The following NCBP1 variants were observed in gnomAD, a reference collection of about 807,000 sequenced individuals.
NCBP1 encodes nuclear cap binding protein subunit 1, also known as nuclear cap-binding protein subunit 1.
A neutral mutation model predicts 111.7 loss-of-function variants in NCBP1; 16 were observed. That is an observed-to-expected ratio of 0.14 (90% CI 0.10 to 0.22). NCBP1 has a LOEUF of 0.22. Ranked by LOEUF, NCBP1 falls within the 10% of genes least tolerant of loss-of-function variation. The pLI is 1.00. For missense variants in NCBP1, 607 were observed against 957.5 expected (o/e 0.63, Z 4.83); for synonymous variants, 304 against 314.3 (o/e 0.97, Z 0.35).
chr9:97,648,256 CCT>C, intron 8 of NCBP1, 33 bp downstream of exon 8: 1 of 1,589,888 alleles, frequency 6.3e-7, no homozygotes, highest in Non-Finnish European at 8.6e-7. Flanking sequence ...TAGATATTGA[CCT>C]GTGTTGCATT....
chr9:97,642,601 G>A (rs1372748842), intron 3 of NCBP1, among the ~76,000 whole-genome samples: 1 of 152,058 alleles, frequency 6.6e-6, no homozygotes, highest in Non-Finnish European at 1.5e-5. Context: ...CACACTTGGA[G>A]TAAGCAACTG....
rs114197388 is a variant in NCBP1 at position 97,667,993 on chromosome 9, G to A, written c.2017-853G>A. ...CTCATAAATGGGCTGTGTTTATAGA[G>A]AGAAAAGCAAGATTCTGTGATATCC... On this transcript the variant is annotated intron_variant, in intron 20 of 22. Transcript: ENST00000375147. Among the ~76,000 whole-genome samples the A allele has an allele frequency of 2.4e-3, 370 of 152,316 alleles. 6 individuals carry two copies. The highest frequency in any genetic ancestry group is 6.0e-4 in the Non-Finnish European group (41 of 68,032).
intron 22 of NCBP1, 43 bp from the exon 23 acceptor site, chr9:97,671,043 A>G (rs749376088): frequency 2.3e-6 from 3 of 1,320,066 alleles, no homozygotes; most frequent in South Asian, 2.4e-5. Context: ...GATTGCTTAT[A>G]TGCTTTTTCC....
At chr9:97,645,580 T>C (rs1279256472) in intron 5 of NCBP1, 31 bp from the exon 6 acceptor site, 15 of 1,595,398 alleles carry the variant, frequency 9.4e-6, no homozygotes, top group Non-Finnish European at 1.3e-5. Context: ...TTAAAGCATA[T>C]TTTAAACTTA....
At chr9:97,659,365 G>A (rs890370097) in intron 15 of NCBP1, among the ~76,000 whole-genome samples, 1 of 152,114 alleles carries the variant, frequency 6.6e-6, no homozygotes, top group Non-Finnish European at 1.5e-5. Flanking sequence ...ATTTTGTGTT[G>A]TGTAGAGGTT....
In NCBP1 at chr9:97,658,675, C is replaced by T. The variant is rs750531525; in HGVS notation, c.1409C>T (p.Pro470Leu). Residue 470 changes from proline (P) to leucine (L), a missense_variant, in exon 15 of 23, where the codon CCT (proline) becomes CTT (leucine). Physicochemically the swap from Pro to Leu is moderately conservative, Grantham distance 98. Around this residue, in one of 9 missense-constraint regions of NCBP1, gnomAD observed 282 missense variants for 376.5 expected, o/e 0.75. Coordinates refer to ENST00000375147, the MANE Select transcript of NCBP1 (RefSeq NM_002486.5). ...SYHQRILDIV[P>L]PTFSALCPAN... is the part of the protein sequence containing the mutation. ...CATCAGCGTATATTAGATATTGTTC[C>T]TCCTACCTTCTCAGCTCTGTGTCCT... is the stretch of plus-strand genomic sequence containing the variant. 1 of 1,613,244 alleles carries T rather than the reference C, an allele frequency of 6.2e-7. No individual in the cohort carries two copies. Among genetic ancestry groups the T allele is most frequent in the Non-Finnish European group, 8.5e-7 (1 of 1,179,332 alleles).
intron 4 of NCBP1, among the ~76,000 whole-genome samples, 172 bp downstream of exon 4, chr9:97,643,532 C>T (rs536533101): frequency 6.6e-6 from 1 of 152,250 alleles, no homozygotes; most frequent in Non-Finnish European, 1.5e-5. Context: ...GTATCTCCAA[C>T]CTTTCTCCTG....
At chr9:97,665,224 G>C (rs1827959629) in intron 19 of NCBP1, among the ~76,000 whole-genome samples, 1 of 152,228 alleles carries the variant, frequency 6.6e-6, no homozygotes, top group African/African-American at 2.4e-5. Flanking sequence ...ATACCGGCCA[G>C]GTTGGCCTTC....
At chr9:97,667,648 C>G (rs1288344676) in intron 20 of NCBP1, among the ~76,000 whole-genome samples, 1 of 152,198 alleles carries the variant, frequency 6.6e-6, no homozygotes, top group East Asian at 1.9e-4. Flanking sequence ...GGTTCTGACA[C>G]AGGTCTGTCA....
intron 3 of NCBP1, among the ~76,000 whole-genome samples, chr9:97,642,615 C>T (rs550184988): frequency 3.9e-5 from 6 of 152,074 alleles, no homozygotes; most frequent in East Asian, 1.9e-4. Context: ...GCAACTGAGA[C>T]GTAAACAAAT....
intron 2 of NCBP1, 86 bp from the exon 3 acceptor site, chr9:97,641,476 G>A (rs778246614): frequency 8.5e-5 from 84 of 988,484 alleles, no homozygotes; most frequent in Non-Finnish European, 1.1e-4. Context: ...TTTAAAATAT[G>A]TATATATTTA....
Position 97,658,682 on chromosome 9 carries a change from C to T in NCBP1, c.1416C>T (p.Thr472=), listed in dbSNP as rs1392832136. 3 of 1,613,356 alleles carry T rather than the reference C, an allele frequency of 1.9e-6. No homozygotes were observed. The highest frequency in any genetic ancestry group is 2.2e-5 in the East Asian group (1 of 44,882). ...HQRILDIVPP[T]FSALCPANPT... is the part of the protein sequence containing the mutation. ...GTATATTAGATATTGTTCCTCCTAC[C>T]TTCTCAGCTCTGTGTCCTGCAAACC... is the stretch of plus-strand genomic sequence containing the variant. The change falls in exon 15 of 23, where the codon ACC becomes ACT. Residue 472 remains threonine, a synonymous_variant. Coordinates refer to ENST00000375147, the MANE Select transcript of NCBP1 (RefSeq NM_002486.5).
chr9:97,645,994 C>G (rs1285494424), intron 6 of NCBP1, among the ~76,000 whole-genome samples: 2 of 152,130 alleles, frequency 1.3e-5, no homozygotes, highest in African/African-American at 4.8e-5. Flanking sequence ...ACATAAAACA[C>G]CCTAGTGCAA....
At chr9:97,633,988 CG>C in intron 1 of NCBP1, 73 bp downstream of exon 1, 5 of 1,456,728 alleles carry the variant, frequency 3.4e-6, no homozygotes, top group South Asian at 1.3e-5. Flanking sequence ...TGGGTGTCCA[CG>C]GAAGAGACTG....
Position 97,671,319 on chromosome 9 carries a change from G to A in NCBP1, c.*120G>A, listed in dbSNP as rs1196116752. 5.6e-6 allele frequency: 4 copies of A among 712,146 alleles called. No individual in the cohort carries two copies. Among genetic ancestry groups the A allele is most frequent in the Admixed American group, 6.0e-5 (2 of 33,090 alleles). 44.1% of individuals were successfully genotyped at this position (712,146 alleles called of 1,614,324 possible). A position where few individuals can be genotyped will look rare whatever the true frequency, so the allele number is the denominator to read the frequency against. ...CCTTTCACTTCTTAAAGGAAACAAAGGGGAAGAGGACAGTGAATGAACATG... is the reference window on the plus strand; with the variant it reads ...CCTTTCACTTCTTAAAGGAAACAAAAGGGAAGAGGACAGTGAATGAACATG... On this transcript the variant is annotated 3_prime_UTR_variant, in exon 23 of 23. Transcript: ENST00000375147.
Position 97,666,764 on chromosome 9 carries a change from T to G in NCBP1, c.1903T>G (p.Leu635Val), listed in dbSNP as rs563025088. The stretch of plus-strand genomic sequence containing the variant: ...AACCAAATGCCATATTTCTTTAAGA[T>G]TGTTTGTTTGGGAAATTTTGCACTC... ...SSELSRDFTR[L>V]FVWEILHSTI... The change falls in exon 20 of 23, where the codon TTG becomes GTG. Residue 635 changes from leucine (L) to valine (V), a missense_variant and splice_region_variant. Physicochemically the swap from Leu to Val is conservative, Grantham distance 32. This residue lies in a region of NCBP1 where 282 missense variants were observed against 376.5 expected (regional missense o/e 0.75). Coordinates refer to ENST00000375147, the MANE Select transcript of NCBP1 (RefSeq NM_002486.5). 4 of 1,582,694 alleles carry G rather than the reference T, an allele frequency of 2.5e-6. No individual in the cohort carries two copies. In the African/African-American group the frequency reaches 5.4e-5, roughly 22 times the overall value.
At chr9:97,635,260 C>G (rs996786317) in intron 1 of NCBP1, among the ~76,000 whole-genome samples, 29 of 152,306 alleles carry the variant, frequency 1.9e-4, no homozygotes, top group African/African-American at 6.3e-4. Flanking sequence ...GGAGGGACAG[C>G]TGTCAGTTCC....
intron 18 of NCBP1, among the ~76,000 whole-genome samples, chr9:97,663,393 CAGTG>C (rs993207899): frequency 3.9e-5 from 6 of 152,266 alleles, no homozygotes; most frequent in Admixed American, 1.3e-4. Context: ...TTTCATAAAA[CAGTG>C]AGTGTGTAAT....
chr9:97,660,385 A>G (rs964123626), intron 15 of NCBP1, among the ~76,000 whole-genome samples: 1 of 152,334 alleles, frequency 6.6e-6, no homozygotes, highest in Non-Finnish European at 1.5e-5. Context: ...ACCAATAGTA[A>G]ATACAAGGAG....
Sources: gnomAD v4.1 joint callset for allele counts (sites outside exome capture counted in the v4.1 genomes callset) on GRCh38, gnomAD v4.1.1 for gene constraint, gnomAD v4.1.1 regional missense constraint, MANE v1.5 for transcripts, NCBI Gene and HGNC (gene_info 2026-07-23, HGNC 2026-07-21) for gene names.